The following MLIP variants were observed in gnomAD, a reference collection of about 807,000 sequenced individuals.
MLIP encodes the protein muscular LMNA-interacting protein.
A neutral mutation model predicts 84.8 loss-of-function variants in MLIP; 79 were observed. That is an observed-to-expected ratio of 0.93 (90% confidence interval 0.78 to 1.12). MLIP has a LOEUF of 1.12. Ranked by LOEUF, MLIP falls within the 50% of genes most tolerant of loss-of-function variation. MLIP has a pLI of 0.00. For missense variants in MLIP, 1,257 were observed against 1,160.6 expected (o/e 1.08, Z -1.21); for synonymous variants, 504 against 463.0 (o/e 1.09, Z -1.14).
chr6:54,045,229 TC>T (rs1164623664), intron 1 of MLIP, among the ~76,000 whole-genome samples: 1 of 151,648 alleles, frequency 6.6e-6, no homozygotes, highest in Non-Finnish European at 1.5e-5. Flanking sequence ...GCACCTGTAA[TC>T]CCAGCTACTC....
At chr6:54,033,323 A>G (rs1561879730) in intron 1 of MLIP, among the ~76,000 whole-genome samples, 1 of 151,002 alleles carries the variant, frequency 6.6e-6, no homozygotes, top group East Asian at 2.0e-4. Flanking sequence ...TTGGAGTGCA[A>G]TGGCGCAGTC....
intron 1 of MLIP, 117 bp from the exon 2 acceptor site, chr6:54,121,330 C>A: frequency 9.3e-7 from 1 of 1,075,610 alleles, no homozygotes; most frequent in East Asian, 2.4e-5. Context: ...TATACATGAT[C>A]ACAGGACAAT....
intron 1 of MLIP, among the ~76,000 whole-genome samples, chr6:54,022,890 G>A (rs1374675629): frequency 6.6e-6 from 1 of 151,916 alleles, no homozygotes; most frequent in Admixed American, 6.6e-5. Flanking sequence ...GATAATGGCC[G>A]GGCGCGGTGG....
chr6:54,020,042 G>A lies in MLIP; in HGVS notation c.63+951G>A, dbSNP rs1446146459. Among the ~76,000 whole-genome samples the A allele has an allele frequency of 2.0e-5, 3 of 152,162 alleles. No individual in the cohort carries two copies. In the East Asian group the frequency reaches 5.8e-4, roughly 29 times the overall value. ...CTTTGTACCTCTGCCCTAGGTGATTGTCCAGACATGTAATGGCCACAGAGT... is the reference window on the plus strand; with the variant it reads ...CTTTGTACCTCTGCCCTAGGTGATTATCCAGACATGTAATGGCCACAGAGT... On this transcript the variant is annotated intron_variant, in intron 1 of 12. Coordinates refer to the MLIP transcript ENST00000274897.
At chr6:54,090,885 G>A (rs780539801) in intron 1 of MLIP, among the ~76,000 whole-genome samples, 9 of 152,140 alleles carry the variant, frequency 5.9e-5, no homozygotes, top group Non-Finnish European at 1.3e-4. Flanking sequence ...CTTTGTTAAT[G>A]AATAAGTCAA....
chr6:54,235,226 TTTTAC>T (rs1263884357), intron 12 of MLIP, among the ~76,000 whole-genome samples: 3 of 152,232 alleles, frequency 2.0e-5, no homozygotes, highest in Admixed American at 6.5e-5. Flanking sequence ...ATTATTATTC[TTTTAC>T]TTTACTTAAA....
Position 54,211,756 on chromosome 6 carries a change from C to T in MLIP, c.2718+9523C>T, listed in dbSNP as rs566612679. On this transcript the variant is annotated intron_variant, in intron 11 of 13. Transcript: ENST00000502396. ...GCCAAAAATCCTACAATGCCCAGTA[C>T]ATTCCCACACAACAAAGAATTACCC... is the stretch of plus-strand genomic sequence containing the variant. Among the ~76,000 whole-genome samples, 14 of 152,298 alleles carry T rather than the reference C, an allele frequency of 9.2e-5. No homozygotes were observed. The South Asian group carries it at 2.7e-3, about 29-fold the overall frequency.
At chr6:54,073,740 C>T (rs1476506242) in intron 1 of MLIP, among the ~76,000 whole-genome samples, 1 of 152,178 alleles carries the variant, frequency 6.6e-6, no homozygotes, top group Non-Finnish European at 1.5e-5. Flanking sequence ...GCTTAGAGGA[C>T]AGCTCACAAA....
intron 11 of MLIP, among the ~76,000 whole-genome samples, chr6:54,207,074 T>C (rs185448562): frequency 1.8e-4 from 27 of 152,270 alleles, no homozygotes; most frequent in African/African-American, 5.8e-4. Context: ...TGCAATTTCT[T>C]GTAGTGTTAC....
chr6:54,134,984 T>TAA (rs55902234), intron 3 of MLIP, among the ~76,000 whole-genome samples: 3 of 148,326 alleles, frequency 2.0e-5, no homozygotes, highest in South Asian at 2.1e-4. Flanking sequence ...TTCTTTGTGG[T>TAA]AAAAAAAAAA....
chr6:54,050,078 C>T (rs968303096), intron 1 of MLIP, among the ~76,000 whole-genome samples: 1 of 152,044 alleles, frequency 6.6e-6, no homozygotes, highest in African/African-American at 2.4e-5. Flanking sequence ...AAAAAAAGAA[C>T]ATCCATTCAT....
At chr6:54,113,636 A>C (rs1200551802) in intron 1 of MLIP, among the ~76,000 whole-genome samples, 1 of 152,200 alleles carries the variant, frequency 6.6e-6, no homozygotes, top group Admixed American at 6.5e-5. Context: ...CTTGATCTTC[A>C]CAAGCTCAGT....
intron 12 of MLIP, among the ~76,000 whole-genome samples, chr6:54,249,957 A>C (rs889101439): frequency 1.3e-5 from 2 of 151,332 alleles, no homozygotes; most frequent in African/African-American, 2.4e-5. Context: ...CCCACCCTCC[A>C]CCCTCTGACA....
At chr6:54,036,633 G>A (rs892785693) in intron 1 of MLIP, among the ~76,000 whole-genome samples, 6 of 152,052 alleles carry the variant, frequency 3.9e-5, no homozygotes, top group African/African-American at 1.4e-4. Context: ...GTACATTTCT[G>A]GTGGGAATAT....
chr6:54,056,646 A>G (rs1409170504), intron 1 of MLIP, among the ~76,000 whole-genome samples: 1 of 152,172 alleles, frequency 6.6e-6, no homozygotes, highest in Non-Finnish European at 1.5e-5. Context: ...ATGCAGAAAA[A>G]TGCTAAAACC....
At chr6:54,103,435 A>G (rs954380383) in intron 1 of MLIP, among the ~76,000 whole-genome samples, 4 of 152,176 alleles carry the variant, frequency 2.6e-5, no homozygotes, top group African/African-American at 7.2e-5. Context: ...GATAAATTCT[A>G]TGGTCATAAA....
chr6:54,102,764 G>A (rs927503586), intron 1 of MLIP, among the ~76,000 whole-genome samples: 12 of 152,208 alleles, frequency 7.9e-5, no homozygotes, highest in Non-Finnish European at 1.8e-4. Flanking sequence ...AGGTGCTGGG[G>A]ATACAGCAGG....
chr6:54,157,438 C>T (rs1459563619), intron 5 of MLIP, among the ~76,000 whole-genome samples: 4 of 152,008 alleles, frequency 2.6e-5, no homozygotes, highest in African/African-American at 9.7e-5. Context: ...CCTGAGTATG[C>T]CTTAGTAATA....
intron 9 of MLIP, among the ~76,000 whole-genome samples, chr6:54,183,474 C>T (rs1356523280): frequency 1.3e-5 from 2 of 152,070 alleles, no homozygotes; most frequent in Non-Finnish European, 2.9e-5. Flanking sequence ...TAGATTTCAT[C>T]AAATGGGAAG....
Sources: allele counts gnomAD v4.1 joint callset (sites outside exome capture counted in the v4.1 genomes callset), GRCh38; gene constraint gnomAD v4.1.1; transcripts MANE v1.5; gene names NCBI Gene and HGNC (gene_info 2026-07-23, HGNC 2026-07-21).